Variants in BLTP1 observed in about 807,000 individuals in gnomAD.
BLTP1 encodes the protein bridge-like lipid transfer protein family member 1.
chr4:122,257,306 G>A, the BLTP1 span: 4 of 1,613,644 alleles, frequency 2.5e-6, no homozygotes, highest in Non-Finnish European at 3.4e-6. Flanking sequence ...AGTTGCACTG[G>A]CAAGGCAGTG....
At chr4:122,329,701 T>TA in the BLTP1 span, among the ~76,000 whole-genome samples, 659 of 151,914 alleles carry the variant, frequency 4.3e-3, 8 homozygotes, top group African/African-American at 0.015. Flanking sequence ...ATTTTCCAGA[T>TA]ATACAATTTG....
the BLTP1 span, among the ~76,000 whole-genome samples, chr4:122,161,551 C>A: frequency 6.6e-6 from 1 of 151,538 alleles, no homozygotes; most frequent in Admixed American, 6.6e-5. Context: ...CCATTTCAGT[C>A]TCTCCAGTAG....
At chr4:122,251,479 A>T in the BLTP1 span, 1 of 940,084 alleles carries the variant, frequency 1.1e-6, no homozygotes, top group South Asian at 4.9e-5. Flanking sequence ...TAGTTTAATG[A>T]GTTTAATCAC....
chr4:122,296,024 A>G, the BLTP1 span, among the ~76,000 whole-genome samples: 1 of 152,218 alleles, frequency 6.6e-6, no homozygotes, highest in Admixed American at 6.5e-5. Context: ...AACTGGCACA[A>G]GACAAGAATG....
the BLTP1 span, among the ~76,000 whole-genome samples, chr4:122,338,646 A>AT: frequency 1.3e-5 from 2 of 152,252 alleles, no homozygotes; most frequent in South Asian, 4.1e-4. Flanking sequence ...GTATACCGAA[A>AT]TCCACACATA....
chr4:122,301,595 T>C, the BLTP1 span, among the ~76,000 whole-genome samples: 1 of 152,184 alleles, frequency 6.6e-6, no homozygotes, highest in Non-Finnish European at 1.5e-5. Flanking sequence ...TATTTTTATA[T>C]ATGCATATAT....
the BLTP1 span, chr4:122,221,935 A>C: frequency 4.1e-6 from 4 of 980,186 alleles, no homozygotes; most frequent in Non-Finnish European, 4.8e-6. Context: ...GACATAGAAA[A>C]CATTTTATTG....
At chr4:122,305,580 A>C in the BLTP1 span, 1 of 983,632 alleles carries the variant, frequency 1.0e-6, no homozygotes, top group East Asian at 1.1e-4. Context: ...ATTTCTTGTC[A>C]TCTCTTAGAG....
the BLTP1 span, chr4:122,328,051 CTTT>C: frequency 1.8e-5 from 23 of 1,300,396 alleles, no homozygotes; most frequent in Non-Finnish European, 2.1e-5. Context: ...TATATTTTTT[CTTT>C]TTTTAATTGA....
chr4:122,242,108 G>A, the BLTP1 span, among the ~76,000 whole-genome samples: 1 of 152,098 alleles, frequency 6.6e-6, no homozygotes, highest in South Asian at 2.1e-4. Flanking sequence ...ATATGATCCA[G>A]CAATCCCACT....
At chr4:122,267,548 AC>A in the BLTP1 span, 1 of 578,442 alleles carries the variant, frequency 1.7e-6, no homozygotes. Flanking sequence ...CCATTTATTT[AC>A]TTGGCTCTTG....
chr4:122,178,209 G>A, the BLTP1 span: 4 of 824,916 alleles, frequency 4.8e-6, no homozygotes, highest in Non-Finnish European at 5.8e-6. Context: ...ATTCTTATGA[G>A]ATTCTTCAAG....
chr4:122,255,064 A>C, the BLTP1 span: 2 of 1,519,192 alleles, frequency 1.3e-6, no homozygotes, highest in South Asian at 2.5e-5. Context: ...TTAATTACTG[A>C]ATGTCTTTTA....
At chr4:122,230,955 T>A in the BLTP1 span, among the ~76,000 whole-genome samples, 1 of 152,170 alleles carries the variant, frequency 6.6e-6, no homozygotes, top group Non-Finnish European at 1.5e-5. Flanking sequence ...ATTAAACTTA[T>A]ATCCCAAGCA....
the BLTP1 span, chr4:122,325,535 A>C: frequency 8.1e-7 from 1 of 1,230,824 alleles, no homozygotes; most frequent in African/African-American, 1.6e-5. Flanking sequence ...TACATTTTAC[A>C]TGCACAATAA....
chr4:122,240,351 A>G, the BLTP1 span: 1 of 1,612,730 alleles, frequency 6.2e-7, no homozygotes. Flanking sequence ...TCCAACTTTT[A>G]AGGTATAAAC....
the BLTP1 span, chr4:122,289,824 A>C: frequency 1.0e-6 from 1 of 978,054 alleles, no homozygotes; most frequent in Non-Finnish European, 1.2e-6. Flanking sequence ...CATTCATTTA[A>C]CAAATTTATG....
chr4:122,250,261 GA>G, the BLTP1 span: 1 of 1,255,384 alleles, frequency 8.0e-7, no homozygotes, highest in Non-Finnish European at 1.1e-6. Flanking sequence ...GACTTGGTGA[GA>G]AAAAAATAGT....
At chr4:122,305,104 T>C in the BLTP1 span, 1 of 1,280,260 alleles carries the variant, frequency 7.8e-7, no homozygotes, top group Non-Finnish European at 1.0e-6. Context: ...TCCTAAAGTT[T>C]CTGATTATAA....
Sources: gnomAD v4.1 joint callset for allele counts (sites outside exome capture counted in the v4.1 genomes callset) on GRCh38, gnomAD v4.1.1 for gene constraint, MANE v1.5 for transcripts, NCBI Gene and HGNC (gene_info 2026-07-23, HGNC 2026-07-21) for gene names.